Variants in RPS6KC1 observed in about 807,000 individuals in gnomAD.
RPS6KC1 encodes the protein ribosomal protein S6 kinase C1.
Under a neutral mutation model 103.8 loss-of-function variants are expected in RPS6KC1, and 54 were observed. The observed-to-expected ratio is 0.52, with a 90% CI of 0.42 to 0.65. RPS6KC1 has a LOEUF of 0.65. RPS6KC1 is among the 30% of genes least tolerant of loss of function. The probability of loss-of-function intolerance (pLI) is 0.00; values close to 1 mark genes in which losing one functional copy is unlikely to be tolerated. For synonymous variants in RPS6KC1, 439 were observed against 438.7 expected, an observed-to-expected ratio of 1.00 and a Z score of -0.01; for missense variants, 1,151 against 1,253.8, an observed-to-expected ratio of 0.92 and a Z score of 1.24.
At chr1:213,818,534 T>G in the RPS6KC1 span, 1 of 152,212 alleles carries the variant, frequency 6.6e-6, no homozygotes. Flanking sequence ...GGTATTAGCT[T>G]TATTGCGGTG....
At chr1:213,582,506 A>G in the RPS6KC1 span, among the ~76,000 whole-genome samples, 2 of 152,198 alleles carry the variant, frequency 1.3e-5, no homozygotes, top group African/African-American at 4.8e-5. Flanking sequence ...ATGTCCTTAA[A>G]AGACCAGGGA....
chr1:213,773,391 G>A, the RPS6KC1 span, among the ~76,000 whole-genome samples: 4 of 150,142 alleles, frequency 2.7e-5, no homozygotes, highest in Non-Finnish European at 5.9e-5. Context: ...AGGGAGAATG[G>A]TTAGATATAT....
At chr1:213,735,789 A>G in the RPS6KC1 span, among the ~76,000 whole-genome samples, 9 of 152,238 alleles carry the variant, frequency 5.9e-5, no homozygotes, top group African/African-American at 2.2e-4. Context: ...TATTAGAAAT[A>G]AATGTAACAT....
the RPS6KC1 span, among the ~76,000 whole-genome samples, chr1:213,539,946 G>A: frequency 5.3e-5 from 8 of 152,276 alleles, no homozygotes; most frequent in African/African-American, 1.7e-4. Flanking sequence ...TCTAAAAAAA[G>A]ATGTACATAC....
the RPS6KC1 span, among the ~76,000 whole-genome samples, chr1:213,361,633 C>G: frequency 4.1e-3 from 629 of 152,362 alleles, 5 homozygotes; most frequent in South Asian, 0.011. Context: ...TTCTGTGTCA[C>G]TCATGCTAGG....
At chr1:213,350,939 G>C in the RPS6KC1 span, among the ~76,000 whole-genome samples, 3 of 152,040 alleles carry the variant, frequency 2.0e-5, no homozygotes, top group Non-Finnish European at 4.4e-5. Context: ...ATATGATTGG[G>C]TATATGTTTT....
chr1:213,704,742 G>T, the RPS6KC1 span, among the ~76,000 whole-genome samples: 31 of 152,240 alleles, frequency 2.0e-4, no homozygotes, highest in African/African-American at 7.2e-4. Flanking sequence ...TCTCAGTCTG[G>T]GTTTGTTTGT....
In RPS6KC1 at chr1:213,242,549, T is replaced by A; in HGVS notation, c.2822-20T>A. On this transcript the variant is annotated intron_variant, in intron 11 of 14. Coordinates refer to ENST00000366960, the MANE Select transcript of RPS6KC1 (RefSeq NM_012424.6). The stretch of plus-strand genomic sequence containing the variant: ...TGGAAGAGAAAAATGTTTTGATTTC[T>A]CCTGTCGTTTTGTTTTTAGGACACA... The A allele has an allele frequency of 1.3e-6, 2 of 1,589,290 alleles. No individual in the cohort carries two copies. Among genetic ancestry groups the A allele is most frequent in the South Asian group, 1.1e-5 (1 of 89,962 alleles).
chr1:213,272,440 T>C, intron 14 of RPS6KC1, 84 bp from the exon 15 acceptor site: 2 of 1,052,934 alleles, frequency 1.9e-6, no homozygotes, highest in South Asian at 2.6e-5. Flanking sequence ...GGGTTGAATT[T>C]AGAAGTTGTT....
the RPS6KC1 span, among the ~76,000 whole-genome samples, chr1:213,678,636 C>T: frequency 1.4e-4 from 21 of 152,142 alleles, no homozygotes; most frequent in Admixed American, 3.9e-4. Context: ...CCCAGACATA[C>T]TGAGTCAGGG....
chr1:213,662,137 T>C, the RPS6KC1 span, among the ~76,000 whole-genome samples: 1 of 152,112 alleles, frequency 6.6e-6, no homozygotes, highest in African/African-American at 2.4e-5. Flanking sequence ...AGACACACTT[T>C]AAAGGAATAA....
At chr1:213,444,285 C>G in the RPS6KC1 span, among the ~76,000 whole-genome samples, 6 of 152,144 alleles carry the variant, frequency 3.9e-5, no homozygotes, top group Admixed American at 2.0e-4. Flanking sequence ...CTGTCACGTT[C>G]ACTCGTGCTA....
intron 13 of RPS6KC1, 122 bp downstream of exon 13, chr1:213,261,762 G>A (rs928497387): frequency 6.7e-5 from 52 of 778,026 alleles, no homozygotes; most frequent in African/African-American, 2.1e-4. Context: ...CTTTGATATC[G>A]AAAGCAAGTA....
At chr1:213,750,725 T>A in the RPS6KC1 span, among the ~76,000 whole-genome samples, 4 of 152,288 alleles carry the variant, frequency 2.6e-5, no homozygotes, top group South Asian at 8.3e-4. Flanking sequence ...AGTCTAGGGT[T>A]CACGAGTGAG....
intron 6 of RPS6KC1, among the ~76,000 whole-genome samples, chr1:213,134,656 A>AC (rs1165744501): frequency 6.6e-6 from 1 of 152,122 alleles, no homozygotes; most frequent in Non-Finnish European, 1.5e-5. Flanking sequence ...TGGAGCTTGG[A>AC]CCATTGATTT....
downstream of RPS6KC1, among the ~76,000 whole-genome samples, chr1:213,279,514 G>A (rs537018501): frequency 6.6e-6 from 1 of 152,128 alleles, no homozygotes; most frequent in South Asian, 2.1e-4. Flanking sequence ...AAAACCCCTG[G>A]GTCCTAACTC....
the RPS6KC1 span, among the ~76,000 whole-genome samples, chr1:213,416,555 G>A: frequency 5.3e-5 from 8 of 152,204 alleles, no homozygotes; most frequent in Admixed American, 5.2e-4. Context: ...GTAAGCCGGG[G>A]CTGGGCTGTG....
At chr1:213,270,877 C>G (rs2095032236) in intron 14 of RPS6KC1, among the ~76,000 whole-genome samples, 1 of 151,966 alleles carries the variant, frequency 6.6e-6, no homozygotes, top group Non-Finnish European at 1.5e-5. Flanking sequence ...AAATTAAAAC[C>G]ATAACAAGAT....
chr1:213,145,688 A>G (rs2087673881), intron 6 of RPS6KC1, among the ~76,000 whole-genome samples: 2 of 152,090 alleles, frequency 1.3e-5, no homozygotes, highest in Admixed American at 6.6e-5. Context: ...GCCCACTCCC[A>G]CAAGTCTTTT....
Sources: gnomAD v4.1 joint callset for allele counts (sites outside exome capture counted in the v4.1 genomes callset) on GRCh38, gnomAD v4.1.1 for gene constraint, MANE v1.5 for transcripts, NCBI Gene and HGNC (gene_info 2026-07-23, HGNC 2026-07-21) for gene names.